The following ARL6IP1 variants were observed in gnomAD, a reference collection of about 807,000 sequenced individuals.
ARL6IP1 encodes ARL6 interacting reticulophagy regulator 1.
A neutral mutation model predicts 30.1 loss-of-function variants in ARL6IP1; 16 were observed. The ratio of observed to expected loss-of-function variants is 0.53; its 90% CI spans 0.36 to 0.81. The LOEUF is 0.81. Among genes scored for constraint, ARL6IP1 ranks in the 30% least tolerant of loss-of-function variants. ARL6IP1 has a pLI of 0.01. For missense variants in ARL6IP1, 173 were observed against 242.7 expected (o/e 0.71, Z 1.91); for synonymous variants, 72 against 84.8 (o/e 0.85, Z 0.83).
Position 18,793,373 on chromosome 16 carries a change from T to C in ARL6IP1, c.494-3A>G. The C allele has an allele frequency of 1.3e-6, 2 of 1,551,188 alleles. No homozygotes were observed. The highest frequency in any genetic ancestry group is 1.8e-6 in the Non-Finnish European group (2 of 1,142,230). The stretch of plus-strand genomic sequence containing the variant: ...AGGAAGCAATAGTAAGGAAGTCACT[T>C]AAAATAAAAAAAAACCCAACATTAA... On this transcript the variant is annotated splice_polypyrimidine_tract_variant and splice_region_variant and intron_variant, in intron 5 of 5. Transcript: ENST00000304414.
chr16:18,795,996 T>G (rs941609307), intron 3 of ARL6IP1, among the ~76,000 whole-genome samples: 2 of 152,212 alleles, frequency 1.3e-5, no homozygotes, highest in African/African-American at 4.8e-5. Context: ...ACAACTGTAT[T>G]TGAACACTCC....
chr16:18,801,332 G>A (rs947638362), intron 1 of ARL6IP1, 99 bp downstream of exon 1: 2 of 1,561,846 alleles, frequency 1.3e-6, no homozygotes, highest in South Asian at 1.2e-5. Flanking sequence ...GAGAAGGGCC[G>A]GGCCCGCGGC....
chr16:18,793,260 T>C lies in ARL6IP1; in HGVS notation c.604A>G (p.Asn202Asp). The change falls in exon 6 of 6, where the codon AAC becomes GAC. Residue 202 changes from asparagine to aspartate, a missense_variant. By Grantham distance (23) the Asn-to-Asp change is conservative. Coordinates refer to ENST00000304414, the MANE Select transcript of ARL6IP1 (RefSeq NM_015161.3). ...TGATTAAAGCAGATGAATCATTCGT[T>C]TTTCTTTTCTTTTTGTTTGAGAAGT... ...NKLLKQKEKK[N>D]E The C allele has an allele frequency of 6.2e-7, 1 of 1,605,192 alleles. No homozygotes were observed. Among genetic ancestry groups the C allele is most frequent in the Non-Finnish European group, 8.5e-7 (1 of 1,174,126 alleles).
At position 18,801,426 on chromosome 16, in the gene ARL6IP1, C is replaced by G. The variant is rs1230144325; in HGVS notation, c.36+5G>C. On this transcript the variant is annotated splice_donor_5th_base_variant and intron_variant, in intron 1 of 5. Transcript: ENST00000304414. ...GCTCCCGGGGGACAGGCAGCCAGGA[C>G]TCACCAGCAGGTTGGTGCTGCGATT... 1.9e-6 allele frequency: 3 copies of G among 1,612,890 alleles called. No homozygotes were observed. Among genetic ancestry groups the G allele is most frequent in the Non-Finnish European group, 2.5e-6 (3 of 1,179,720 alleles).
intron 4 of ARL6IP1, chr16:18,795,145 C>A (rs2141869531): frequency 4.3e-6 from 1 of 230,870 alleles, no homozygotes; most frequent in African/African-American, 2.3e-5. Flanking sequence ...TGATCCTCAG[C>A]CTTCCATGTA....
chr16:18,793,390 C>A lies in ARL6IP1; in HGVS notation c.494-20G>T. On this transcript the variant is annotated intron_variant, in intron 5 of 5. Transcript: ENST00000304414. ...AAGTCACTTAAAATAAAAAAAAACC[C>A]AACATTAAGGAGGCAGCAATTAACC... 3.5e-6 allele frequency: 5 copies of A among 1,422,150 alleles called. No individual in the cohort carries two copies. Among genetic ancestry groups the A allele is most frequent in the Admixed American group, 2.1e-5 (1 of 47,732 alleles). 88.1% of individuals were successfully genotyped at this position (1,422,150 alleles called of 1,614,324 possible). A position where few individuals can be genotyped will look rare whatever the true frequency, so the allele number is the denominator to read the frequency against.
intron 5 of ARL6IP1, 54 bp from the exon 6 acceptor site, chr16:18,793,424 G>T (rs773720857): frequency 1.9e-5 from 18 of 964,544 alleles, no homozygotes; most frequent in Non-Finnish European, 2.3e-5. Context: ...CCTGCTAAAG[G>T]TTATTACTTT....
At position 18,801,531 on chromosome 16, in the gene ARL6IP1, C is replaced by A; in HGVS notation, c.-65G>T. ...CCCAACGAGTCCTCCAACCGAAACC[C>A]GCACACCAACCACAACCCGAGGGAA... On this transcript the variant is annotated 5_prime_UTR_variant, in exon 1 of 6. Coordinates refer to ENST00000304414, the MANE Select transcript of ARL6IP1 (RefSeq NM_015161.3). 1 of 1,587,256 alleles carries A rather than the reference C, an allele frequency of 6.3e-7. No individual in the cohort carries two copies. The highest frequency in any genetic ancestry group is 1.1e-5 in the South Asian group (1 of 87,522).
chr16:18,801,035 A>G (rs1472011469), intron 1 of ARL6IP1, among the ~76,000 whole-genome samples: 1 of 152,248 alleles, frequency 6.6e-6, no homozygotes, highest in African/African-American at 2.4e-5. Context: ...GGGGGAAAAG[A>G]AGGCAGGCAC....
intron 1 of ARL6IP1, chr16:18,801,203 G>T: frequency 7.1e-7 from 1 of 1,408,146 alleles, no homozygotes; most frequent in Non-Finnish European, 9.2e-7. Flanking sequence ...TCCTACTCGC[G>T]GTGATGAATC....
intron 3 of ARL6IP1, among the ~76,000 whole-genome samples, chr16:18,797,110 T>G (rs2030255295): frequency 6.6e-6 from 1 of 152,068 alleles, no homozygotes; most frequent in African/African-American, 2.4e-5. Flanking sequence ...CCGGGCACGG[T>G]GGCTCACGCC....
chr16:18,794,752 T>G lies in ARL6IP1; in HGVS notation c.409-69A>C, dbSNP rs1025977864. 3.5e-5 allele frequency: 40 copies of G among 1,131,042 alleles called. No homozygotes were observed. In the African/African-American group the frequency reaches 5.0e-4, roughly 14 times the overall value. The allele number at this position is 1,131,042 out of a possible 1,614,324, so 70.1% of individuals were successfully genotyped here. On this transcript the variant is annotated intron_variant, in intron 4 of 5. Transcript: ENST00000304414. ...ACCATAAATATATGTAATTTTTATT[T>G]GTCAATTAAAGAAGAATGTGTTTCA... is the stretch of plus-strand genomic sequence containing the variant.
At position 18,792,671 on chromosome 16, in the gene ARL6IP1, G is replaced by C. The variant is rs1233544866; in HGVS notation, c.*581C>G. The C allele has an allele frequency of 6.6e-6, 1 of 152,636 alleles. No homozygotes were observed. The highest frequency in any genetic ancestry group is 1.5e-5 in the Non-Finnish European group (1 of 68,036). The allele number at this position is 152,636 out of a possible 1,614,324, so 9.5% of individuals were successfully genotyped here. A position where few individuals can be genotyped will look rare whatever the true frequency, so the allele number is the denominator to read the frequency against. ...ACAAATTGCTAAGCTTTGCACAAGG[G>C]AGAAGCCTACATGTACTAGTGCATG... On this transcript the variant is annotated 3_prime_UTR_variant, in exon 6 of 6. Coordinates refer to ENST00000304414, the MANE Select transcript of ARL6IP1 (RefSeq NM_015161.3).
At chr16:18,794,784 G>T in intron 4 of ARL6IP1, 101 bp from the exon 5 acceptor site, 1 of 810,450 alleles carries the variant, frequency 1.2e-6, no homozygotes, top group Non-Finnish European at 1.9e-6. Flanking sequence ...TTCAAAGTTC[G>T]GGAAATAATT....
rs2030100793 is a variant in ARL6IP1, at chr16:18,792,713, A to G, written c.*539T>C. 1.3e-5 allele frequency: 2 copies of G among 152,652 alleles called. No individual in the cohort carries two copies. The highest frequency in any genetic ancestry group is 4.8e-5 in the African/African-American group (2 of 41,448). 9.5% of individuals were successfully genotyped at this position (152,652 alleles called of 1,614,324 possible). ...TAGTGCATGGAATCAGTTTCATCTT[A>G]TTTCATGGGGACTCTTCTCCCACTG... is the stretch of plus-strand genomic sequence containing the variant. On this transcript the variant is annotated 3_prime_UTR_variant, in exon 6 of 6. Transcript: ENST00000304414.
chr16:18,791,876 T>G lies in ARL6IP1; in HGVS notation c.*1376A>C, dbSNP rs2141865913. ...TAATAAAAAAAAATCAAACATATGC[T>G]ACAATGGGCACCACTGTTCACAGCA... is the stretch of plus-strand genomic sequence containing the variant. On this transcript the variant is annotated 3_prime_UTR_variant, in exon 6 of 6. Coordinates refer to ENST00000304414, the MANE Select transcript of ARL6IP1 (RefSeq NM_015161.3). The G allele has an allele frequency of 6.6e-6, 1 of 152,648 alleles. No individual in the cohort carries two copies. Among genetic ancestry groups the G allele is most frequent in the South Asian group, 2.1e-4 (1 of 4,826 alleles). 9.5% of individuals were successfully genotyped at this position (152,648 alleles called of 1,614,324 possible). A position where few individuals can be genotyped will look rare whatever the true frequency, so the allele number is the denominator to read the frequency against.
At chr16:18,795,296 AATT>A (rs1434527566) in intron 4 of ARL6IP1, 165 bp downstream of exon 4, 3 of 481,556 alleles carry the variant, frequency 6.2e-6, no homozygotes, top group African/African-American at 5.9e-5. Flanking sequence ...GCAAAAATGT[AATT>A]TTTAACTTTA....
Position 18,801,540 on chromosome 16 carries a change from A to G in ARL6IP1, c.-74T>C, listed in dbSNP as rs2030414765. Reference sequence around the variant, plus strand: ...TCCTCCAACCGAAACCCGCACACCAACCACAACCCGAGGGAACGCCCCGCA... The same window carrying G: ...TCCTCCAACCGAAACCCGCACACCAGCCACAACCCGAGGGAACGCCCCGCA... On this transcript the variant is annotated 5_prime_UTR_variant, in exon 1 of 6. Transcript: ENST00000304414. 1 of 1,575,394 alleles carries G rather than the reference A, an allele frequency of 6.3e-7. No individual in the cohort carries two copies.
chr16:18,794,759 TAAA>T (rs774054754), intron 4 of ARL6IP1, 76 bp from the exon 5 acceptor site: 60 of 1,047,490 alleles, frequency 5.7e-5, no homozygotes, highest in Non-Finnish European at 7.0e-5. Context: ...ATTTGTCAAT[TAAA>T]GAAGAATGTG....
Sources: allele counts gnomAD v4.1 joint callset (sites outside exome capture counted in the v4.1 genomes callset), GRCh38; gene constraint gnomAD v4.1.1; transcripts MANE v1.5; gene names NCBI Gene and HGNC (gene_info 2026-07-23, HGNC 2026-07-21).